Variants in SUMF1 observed in about 807,000 individuals in gnomAD.
SUMF1 encodes the protein formylglycine-generating enzyme.
A neutral mutation model predicts 47.6 loss-of-function variants in SUMF1; 48 were observed. That is an observed-to-expected ratio of 1.01 (90% CI 0.80 to 1.28). The LOEUF (loss-of-function observed/expected upper bound fraction) is 1.28, where lower values mean the gene tolerates loss of function less well. Ranked by LOEUF, SUMF1 falls within the 50% of genes most tolerant of loss-of-function variation. SUMF1 has a pLI of 0.00. For missense variants in SUMF1, 571 were observed against 485.4 expected (o/e 1.18, Z -1.66); for synonymous variants, 230 against 192.1 (o/e 1.20, Z -1.63).
chr3:4,331,098 C>T (rs1699042720), intron 8 of SUMF1, among the ~76,000 whole-genome samples: 1 of 152,126 alleles, frequency 6.6e-6, no homozygotes, highest in Non-Finnish European at 1.5e-5. Context: ...CTTCTACAAA[C>T]CTTCTACAAT....
intron 8 of SUMF1, among the ~76,000 whole-genome samples, chr3:4,223,133 C>A (rs565729012): frequency 6.6e-6 from 1 of 152,068 alleles, no homozygotes; most frequent in South Asian, 2.1e-4. Flanking sequence ...AAATACCTGA[C>A]AAATAGAATA....
chr3:4,148,247 C>A (rs566397951), intron 8 of SUMF1, among the ~76,000 whole-genome samples: 1 of 152,182 alleles, frequency 6.6e-6, no homozygotes, highest in Admixed American at 6.5e-5. Context: ...TTCTCATAAG[C>A]CATCATCATT....
At chr3:4,313,797 C>T in intron 8 of SUMF1, 1 of 1,612,022 alleles carries the variant, frequency 6.2e-7, no homozygotes, top group African/African-American at 1.3e-5. Flanking sequence ...TTGCCCCTCC[C>T]TATAGTGGAA....
intron 6 of SUMF1, among the ~76,000 whole-genome samples, chr3:4,413,989 G>C (rs2819580): frequency 0.24 from 36,216 of 151,998 alleles, 5,602 homozygotes; most frequent in Non-Finnish European, 0.34. Flanking sequence ...TCAGCCTCCT[G>C]AGTAGCTGGG....
rs146559745 is a variant in SUMF1 at position 4,441,176 on chromosome 3, G to A, written c.519+8090C>T. 2.2e-3 allele frequency among the ~76,000 whole-genome samples: 342 copies of A among 152,266 alleles called. 3 individuals are homozygous for A. The highest frequency in any genetic ancestry group is 3.6e-3 in the Non-Finnish European group (246 of 68,008). On this transcript the variant is annotated intron_variant, in intron 3 of 8. Transcript: ENST00000272902. ...CGTTACCACCTGAGCTCTGCCTCCT[G>A]TCAGATCAGTAGCGGCATTAGATCC...
intron 7 of SUMF1, among the ~76,000 whole-genome samples, chr3:4,380,240 T>C (rs1028960718): frequency 3.3e-5 from 5 of 152,132 alleles, no homozygotes; most frequent in African/African-American, 1.2e-4. Context: ...TACACAGCCA[T>C]AAAAAAGAAT....
chr3:4,290,125 T>C (rs888538206), intron 8 of SUMF1, among the ~76,000 whole-genome samples: 1 of 152,192 alleles, frequency 6.6e-6, no homozygotes, highest in Non-Finnish European at 1.5e-5. Context: ...TTAAAAGACA[T>C]ACCCAATTTT....
chr3:4,401,049 G>C (rs972725816), intron 7 of SUMF1, among the ~76,000 whole-genome samples: 3 of 144,510 alleles, frequency 2.1e-5, no homozygotes, highest in Non-Finnish European at 4.5e-5. Context: ...CCACCCATGA[G>C]TGAGAACATG....
At chr3:4,280,345 G>A (rs1183843823) in intron 8 of SUMF1, among the ~76,000 whole-genome samples, 1 of 152,190 alleles carries the variant, frequency 6.6e-6, no homozygotes, top group African/African-American at 2.4e-5. Context: ...ACTTAGGTTT[G>A]CTTGGTGCAT....
intron 8 of SUMF1, among the ~76,000 whole-genome samples, chr3:4,275,346 T>C (rs574142729): frequency 1.3e-5 from 2 of 152,288 alleles, no homozygotes; most frequent in South Asian, 4.2e-4. Flanking sequence ...CCCTCTGTGA[T>C]ATGGGTTCTC....
chr3:4,452,812 A>G (rs1271875611), intron 2 of SUMF1, 64 bp downstream of exon 2: 1 of 1,591,346 alleles, frequency 6.3e-7, no homozygotes, highest in South Asian at 1.1e-5. Flanking sequence ...CTTAGCTGCT[A>G]TTAAAGCATT....
chr3:4,205,445 G>A (rs1387825814), intron 8 of SUMF1, among the ~76,000 whole-genome samples: 2 of 152,186 alleles, frequency 1.3e-5, no homozygotes, highest in African/African-American at 2.4e-5. Context: ...ACATGAGACA[G>A]TTATGTTTTC....
intron 8 of SUMF1, among the ~76,000 whole-genome samples, chr3:4,292,023 G>T (rs78626019): frequency 0.016 from 2,486 of 152,094 alleles, 72 homozygotes; most frequent in African/African-American, 0.057. Context: ...AGCTTCATTC[G>T]CTCACTAAAA....
chr3:4,349,295 C>T (rs535553440), intron 8 of SUMF1, among the ~76,000 whole-genome samples: 8 of 152,208 alleles, frequency 5.3e-5, no homozygotes, highest in Non-Finnish European at 8.8e-5. Context: ...TACCATTTCA[C>T]GCCAGTCAGA....
chr3:4,389,973 T>C (rs1283779679), intron 7 of SUMF1, among the ~76,000 whole-genome samples: 3 of 152,244 alleles, frequency 2.0e-5, no homozygotes, highest in African/African-American at 7.2e-5. Context: ...GGGCATCTGC[T>C]ATCTACTTAA....
intron 8 of SUMF1, among the ~76,000 whole-genome samples, chr3:4,198,047 G>A (rs983715430): frequency 2.2e-5 from 2 of 89,562 alleles, no homozygotes; most frequent in African/African-American, 4.3e-5. Context: ...TTTTTTTTTC[G>A]GAAAGAGAGA....
At chr3:4,466,733 G>A (rs982224165) in intron 1 of SUMF1, among the ~76,000 whole-genome samples, 7 of 152,174 alleles carry the variant, frequency 4.6e-5, no homozygotes, top group African/African-American at 1.4e-4. Context: ...AGGTTGGAGG[G>A]AGAAAGAAAT....
chr3:4,211,068 G>GTGAT (rs1477071649), intron 8 of SUMF1, among the ~76,000 whole-genome samples: 1 of 140,598 alleles, frequency 7.1e-6, no homozygotes, highest in Non-Finnish European at 1.5e-5. Context: ...GCAGGACCGT[G>GTGAT]TGATTGTGTG....
chr3:4,194,352 G>A (rs2629245), intron 8 of SUMF1, among the ~76,000 whole-genome samples: 103,214 of 151,980 alleles, frequency 0.68, 35,184 homozygotes, highest in African/African-American at 0.71. Flanking sequence ...TGGGCAGGCA[G>A]GAGTTCAAGT....
Sources: gnomAD v4.1 joint callset for allele counts (sites outside exome capture counted in the v4.1 genomes callset) on GRCh38, gnomAD v4.1.1 for gene constraint, MANE v1.5 for transcripts, NCBI Gene and HGNC (gene_info 2026-07-23, HGNC 2026-07-21) for gene names.